CNTNAP2: variants seen among roughly 807,000 people sequenced by gnomAD.
CNTNAP2 encodes the protein contactin associated protein 2.
Under a neutral mutation model 155.2 loss-of-function variants are expected in CNTNAP2, and 98 were observed. The observed-to-expected ratio is 0.63, with a 90% CI of 0.54 to 0.75. The LOEUF is 0.75. Ranked by LOEUF, CNTNAP2 falls within the 30% of genes least tolerant of loss-of-function variation. The pLI is 0.00. For synonymous variants in CNTNAP2, 651 were observed against 631.2 expected (o/e 1.03, Z -0.47); for missense variants, 1,727 against 1,688.1 (o/e 1.02, Z -0.40).
intron 13 of CNTNAP2, among the ~76,000 whole-genome samples, chr7:147,648,550 G>C (rs1358067947): frequency 6.6e-6 from 1 of 152,160 alleles, no homozygotes; most frequent in Non-Finnish European, 1.5e-5. Context: ...GTTCCACATG[G>C]CTGAGGAGGC....
chr7:146,372,144 A>G (rs570477360), intron 1 of CNTNAP2, among the ~76,000 whole-genome samples: 13 of 152,172 alleles, frequency 8.5e-5, no homozygotes, highest in Non-Finnish European at 1.2e-4. Flanking sequence ...ATCTATCTTA[A>G]TTAAGAAGCA....
intron 1 of CNTNAP2, among the ~76,000 whole-genome samples, chr7:146,308,595 T>C (rs1313793246): frequency 2.0e-5 from 3 of 151,342 alleles, no homozygotes; most frequent in Non-Finnish European, 3.0e-5. Context: ...CCATCAATGA[T>C]AGACTGGATT....
chr7:148,156,354 A>C (rs1453067470), intron 17 of CNTNAP2, among the ~76,000 whole-genome samples: 1 of 152,176 alleles, frequency 6.6e-6, no homozygotes, highest in East Asian at 1.9e-4. Context: ...CTCTCTCAGC[A>C]GCATGTCTCC....
At position 148,417,369 on chromosome 7, in the gene CNTNAP2, A is replaced by T. The variant is rs1800018427; in HGVS notation, c.*1753A>T. ...TTACACCAGTACAGAGCACATTCCA[A>T]AGGAGACATTGGACCAGTTAATTCC... On this transcript the variant is annotated 3_prime_UTR_variant, in exon 24 of 24. Transcript: ENST00000361727. The T allele has an allele frequency of 6.6e-6, 1 of 152,632 alleles. No individual in the cohort carries two copies. The highest frequency in any genetic ancestry group is 2.1e-4 in the South Asian group (1 of 4,822). 9.5% of individuals were successfully genotyped at this position (152,632 alleles called of 1,614,324 possible). A position where few individuals can be genotyped will look rare whatever the true frequency, so the allele number is the denominator to read the frequency against.
At chr7:148,111,270 G>A (rs889068828) in intron 15 of CNTNAP2, among the ~76,000 whole-genome samples, 1 of 152,148 alleles carries the variant, frequency 6.6e-6, no homozygotes, top group African/African-American at 2.4e-5. Flanking sequence ...GGAAGAAACA[G>A]AGGCGACAGA....
chr7:147,707,159 C>G (rs543384686), intron 13 of CNTNAP2, among the ~76,000 whole-genome samples: 2 of 151,838 alleles, frequency 1.3e-5, no homozygotes, highest in African/African-American at 2.4e-5. Context: ...CCAGAAAATT[C>G]TTGTGTTTCT....
At chr7:148,263,067 G>A (rs184921280) in intron 20 of CNTNAP2, 15 of 152,324 alleles carry the variant, frequency 9.8e-5, no homozygotes, top group Admixed American at 8.5e-4. Flanking sequence ...GAGTATGCGA[G>A]AGAGAAGACG....
chr7:147,983,329 G>C (rs139420328), intron 15 of CNTNAP2, among the ~76,000 whole-genome samples: 87 of 151,976 alleles, frequency 5.7e-4, no homozygotes, highest in African/African-American at 1.9e-3. Context: ...GCTTGGAAAA[G>C]GCAAGAAAGG....
chr7:146,932,595 G>A (rs963421868), intron 3 of CNTNAP2, among the ~76,000 whole-genome samples: 13 of 152,164 alleles, frequency 8.5e-5, no homozygotes, highest in Non-Finnish European at 1.5e-4. Context: ...AGGGCAATTA[G>A]GCAGGAGAAG....
intron 13 of CNTNAP2, among the ~76,000 whole-genome samples, chr7:147,842,660 T>C (rs1798771584): frequency 8.9e-6 from 1 of 112,094 alleles, no homozygotes; most frequent in African/African-American, 3.5e-5. Context: ...GTTACATATG[T>C]ATACATGTGC....
At chr7:147,266,763 T>C (rs1230931123) in intron 8 of CNTNAP2, among the ~76,000 whole-genome samples, 1 of 152,226 alleles carries the variant, frequency 6.6e-6, no homozygotes, top group Non-Finnish European at 1.5e-5. Context: ...ATCTCTTTTA[T>C]TAAGTCATTT....
chr7:148,188,265 G>A (rs963196451), intron 18 of CNTNAP2, among the ~76,000 whole-genome samples: 2 of 152,178 alleles, frequency 1.3e-5, no homozygotes, highest in African/African-American at 2.4e-5. Context: ...TGAATCAGTA[G>A]GAGTGGGTCT....
chr7:146,423,115 CCTTT>C (rs1360819613), intron 1 of CNTNAP2, among the ~76,000 whole-genome samples: 1 of 151,994 alleles, frequency 6.6e-6, no homozygotes, highest in African/African-American at 2.4e-5. Context: ...ATTTTACATT[CCTTT>C]CTTTCCAGTC....
intron 8 of CNTNAP2, among the ~76,000 whole-genome samples, chr7:147,223,395 A>G (rs1420455932): frequency 6.6e-6 from 1 of 152,182 alleles, no homozygotes; most frequent in Non-Finnish European, 1.5e-5. Flanking sequence ...CTCATGACAA[A>G]GCTGTCCCCC....
Position 147,867,709 on chromosome 7 carries a change from C to T in CNTNAP2, c.2099-35856C>T, listed in dbSNP as rs545653169. 6.6e-4 allele frequency among the ~76,000 whole-genome samples: 101 copies of T among 152,198 alleles called. 1 individual carries two copies. The highest frequency in any genetic ancestry group is 1.3e-3 in the Non-Finnish European group (89 of 68,008). On this transcript the variant is annotated intron_variant, in intron 13 of 23. Coordinates refer to ENST00000361727, the MANE Select transcript of CNTNAP2 (RefSeq NM_014141.6). ...TTATTTCATTAATTTGATCTTCAGT[C>T]ACTAATAACCTTTCTTCTACTTGAT...
chr7:147,918,927 A>T (rs892038983), intron 14 of CNTNAP2, among the ~76,000 whole-genome samples: 2 of 152,150 alleles, frequency 1.3e-5, no homozygotes, highest in Non-Finnish European at 2.9e-5. Flanking sequence ...GACTTTGCAG[A>T]TGTAGTTCAA....
chr7:147,080,979 TACAC>T (rs1484541267), intron 4 of CNTNAP2: 1 of 152,176 alleles, frequency 6.6e-6, no homozygotes, highest in African/African-American at 2.4e-5. Flanking sequence ...TACACAAATA[TACAC>T]TTAAATTTTA....
intron 3 of CNTNAP2, among the ~76,000 whole-genome samples, chr7:146,852,537 T>C (rs963338009): frequency 5.3e-5 from 8 of 152,148 alleles, no homozygotes; most frequent in Non-Finnish European, 1.0e-4. Context: ...CTCCATACAG[T>C]AGTTTATTCT....
intron 16 of CNTNAP2, among the ~76,000 whole-genome samples, chr7:148,119,188 G>A (rs1430884340): frequency 2.0e-5 from 3 of 152,044 alleles, no homozygotes; most frequent in African/African-American, 7.2e-5. Flanking sequence ...TATGTCCCCT[G>A]TCCCTTTACA....
Sources: allele counts gnomAD v4.1 joint callset (sites outside exome capture counted in the v4.1 genomes callset), GRCh38; gene constraint gnomAD v4.1.1; transcripts MANE v1.5; gene names NCBI Gene and HGNC (gene_info 2026-07-23, HGNC 2026-07-21).